The following BRAP variants were observed in gnomAD, a reference collection of about 807,000 sequenced individuals.
The protein encoded by BRAP is BRCA1 associated protein, also known as BRCA1-associated protein.
Under a neutral mutation model 73.4 loss-of-function variants are expected in BRAP, and 42 were observed. The observed-to-expected ratio is 0.57, with a 90% confidence interval of 0.45 to 0.74. BRAP has a LOEUF of 0.74. Ranked by LOEUF, BRAP falls within the 30% of genes least tolerant of loss-of-function variation. BRAP has a pLI of 0.00. For synonymous variants in BRAP, 255 were observed against 267.4 expected, an observed-to-expected ratio of 0.95 and a Z score of 0.45; for missense variants, 593 against 751.4, an observed-to-expected ratio of 0.79 and a Z score of 2.46.
At chr12:111,670,875 C>T (rs936839315) in intron 5 of BRAP, among the ~76,000 whole-genome samples, 1 of 151,100 alleles carries the variant, frequency 6.6e-6, no homozygotes, top group Non-Finnish European at 1.5e-5. Context: ...CAAAGTGGGC[C>T]GATCACCTGA....
chr12:111,685,464 G>A (rs1278029694), intron 1 of BRAP: 6 of 831,340 alleles, frequency 7.2e-6, no homozygotes, highest in African/African-American at 7.2e-5. Flanking sequence ...AGAGGGAGAC[G>A]CGCCAGGTAT....
At position 111,655,557 on chromosome 12, in the gene BRAP, C is replaced by T; in HGVS notation, c.1311+9G>A. On this transcript the variant is annotated intron_variant, in intron 10 of 11. Coordinates refer to ENST00000419234, the MANE Select transcript of BRAP (RefSeq NM_006768.5). ...CATTTCCGCAGTCACCCAAACCAAA[C>T]AGACTTACTTCCTCTGCTGTGTCCT... 1 of 1,608,030 alleles carries T rather than the reference C, an allele frequency of 6.2e-7. No individual in the cohort carries two copies. The highest frequency in any genetic ancestry group is 8.5e-7 in the Non-Finnish European group (1 of 1,174,472).
Position 111,643,561 on chromosome 12 carries a change from G to A in BRAP, c.*638C>T, listed in dbSNP as rs1885979547. 2 of 152,152 alleles carry A rather than the reference G, an allele frequency of 1.3e-5. No homozygotes were observed. Among genetic ancestry groups the A allele is most frequent in the Admixed American group, 1.3e-4 (2 of 15,256 alleles). The allele number at this position is 152,152 out of a possible 1,614,324, so 9.4% of individuals were successfully genotyped here. ...CACTGAGTCTACCCAATGTGCCCCG[G>A]GTTGTTTGTTTTTCCTGGCTGGCCC... On this transcript the variant is annotated 3_prime_UTR_variant, in exon 12 of 12. Transcript: ENST00000419234.
At chr12:111,662,954 A>AC (rs1047735193) in intron 6 of BRAP, among the ~76,000 whole-genome samples, 10 of 151,316 alleles carry the variant, frequency 6.6e-5, no homozygotes, top group East Asian at 1.9e-4. Flanking sequence ...CTAAAAAAAA[A>AC]AAAAAACAAA....
intron 5 of BRAP, among the ~76,000 whole-genome samples, chr12:111,668,368 A>T (rs1303977661): frequency 1.4e-4 from 21 of 151,826 alleles, no homozygotes; most frequent in Middle Eastern, 3.4e-3. Context: ...TATACTTTTT[A>T]AAAAAATAAA....
At chr12:111,677,543 G>T (rs961310707) in intron 4 of BRAP, among the ~76,000 whole-genome samples, 1 of 152,162 alleles carries the variant, frequency 6.6e-6, no homozygotes, top group Non-Finnish European at 1.5e-5. Flanking sequence ...CACAGTTTCC[G>T]CAAGGGATTG....
intron 1 of BRAP, 92 bp downstream of exon 1, chr12:111,685,619 C>A: frequency 7.0e-7 from 1 of 1,433,008 alleles, no homozygotes; most frequent in Non-Finnish European, 9.2e-7. Flanking sequence ...ACAGCCCTCG[C>A]CGCGGGCTTT....
At chr12:111,681,118 C>T (rs1006939898) in intron 3 of BRAP, among the ~76,000 whole-genome samples, 13 of 152,204 alleles carry the variant, frequency 8.5e-5, no homozygotes, top group Admixed American at 7.2e-4. Flanking sequence ...GCCTGTAATC[C>T]CAGCACTTTG....
chr12:111,646,576 C>T lies in BRAP; in HGVS notation c.1416-2014G>A, dbSNP rs1030528680. 2.0e-5 allele frequency among the ~76,000 whole-genome samples: 3 copies of T among 152,128 alleles called. No individual in the cohort carries two copies. The South Asian group carries it at 6.2e-4, about 32-fold the overall frequency. ...GATCACGAGATCAGGAGTTCAACAT[C>T]AGCCTGGCCAACATGGTGAAGCTCC... On this transcript the variant is annotated intron_variant, in intron 11 of 11. Coordinates refer to ENST00000419234, the MANE Select transcript of BRAP (RefSeq NM_006768.5).
Position 111,685,707 on chromosome 12 carries a change from TCA to T in BRAP, c.82+2_82+3del, listed in dbSNP as rs752999608. 5.0e-6 allele frequency: 8 copies of T among 1,602,894 alleles called. No homozygotes were observed. The South Asian group carries it at 8.9e-5, about 18-fold the overall frequency. ...AGGGAATGCGGCGAGGCCGCGGGAC[TCA>T]CCCGCGGCGCTGAAGCCGAAGCCGG... On this transcript the variant is annotated splice_donor_variant and splice_donor_region_variant and intron_variant, in intron 1 of 11. Coordinates refer to ENST00000419234, the MANE Select transcript of BRAP (RefSeq NM_006768.5). LOFTEE classifies it high-confidence loss of function.
chr12:111,670,870 T>A (rs1388439030), intron 5 of BRAP, among the ~76,000 whole-genome samples: 1 of 151,796 alleles, frequency 6.6e-6, no homozygotes, highest in Admixed American at 6.6e-5. Context: ...GAGGCCAAAG[T>A]GGGCCGATCA....
intron 4 of BRAP, among the ~76,000 whole-genome samples, chr12:111,677,984 C>T (rs78457020): frequency 0.016 from 2,380 of 152,168 alleles, 72 homozygotes; most frequent in African/African-American, 0.054. Flanking sequence ...CGGGTGCAGT[C>T]GCTCACGCCT....
intron 6 of BRAP, among the ~76,000 whole-genome samples, chr12:111,663,500 C>T (rs565831905): frequency 1.7e-4 from 26 of 152,156 alleles, no homozygotes; most frequent in African/African-American, 5.5e-4. Context: ...TTCTTCCTGC[C>T]TTTCTCTGCA....
chr12:111,675,560 T>C (rs1020081621), intron 4 of BRAP, among the ~76,000 whole-genome samples: 1 of 150,044 alleles, frequency 6.7e-6, no homozygotes, highest in Non-Finnish European at 1.5e-5. Context: ...TGGTTCCTAC[T>C]TCAACTCACC....
At chr12:111,673,531 A>G (rs1887259946) in intron 4 of BRAP, among the ~76,000 whole-genome samples, 1 of 150,882 alleles carries the variant, frequency 6.6e-6, no homozygotes, top group Non-Finnish European at 1.5e-5. Flanking sequence ...AAAAAAAGAA[A>G]GAAAATGTCA....
At chr12:111,677,408 T>A (rs1205473751) in intron 4 of BRAP, among the ~76,000 whole-genome samples, 1 of 152,164 alleles carries the variant, frequency 6.6e-6, no homozygotes, top group Non-Finnish European at 1.5e-5. Flanking sequence ...GAGGAACGCG[T>A]CCCTGGAATT....
chr12:111,659,523 A>G (rs1004331120), intron 7 of BRAP, among the ~76,000 whole-genome samples, 178 bp from the exon 8 acceptor site: 1 of 152,196 alleles, frequency 6.6e-6, no homozygotes, highest in Non-Finnish European at 1.5e-5. Context: ...GCGTGGTGGC[A>G]GCTGCCTGTA....
chr12:111,670,554 C>T (rs7978307), intron 5 of BRAP, among the ~76,000 whole-genome samples: 1 of 152,148 alleles, frequency 6.6e-6, no homozygotes, highest in African/African-American at 2.4e-5. Flanking sequence ...AGTGCAGTGG[C>T]GCAATCTCAG....
chr12:111,654,117 A>G (rs1886423839), intron 10 of BRAP, among the ~76,000 whole-genome samples: 2 of 152,196 alleles, frequency 1.3e-5, no homozygotes, highest in South Asian at 2.1e-4. Flanking sequence ...CCAACTTCAC[A>G]GTACGCGGCA....
Sources: allele counts gnomAD v4.1 joint callset (sites outside exome capture counted in the v4.1 genomes callset), GRCh38; gene constraint gnomAD v4.1.1; transcripts MANE v1.5; gene names NCBI Gene and HGNC (gene_info 2026-07-23, HGNC 2026-07-21).